LRMDA: variants seen among roughly 807,000 people sequenced by gnomAD.
The protein encoded by LRMDA is leucine-rich melanocyte differentiation-associated protein.
LRMDA carries 18 observed loss-of-function variants against 29.8 expected under a neutral mutation model. The ratio of observed to expected loss-of-function variants is 0.60; its 90% confidence interval spans 0.42 to 0.90. LRMDA has a LOEUF of 0.90. Among genes scored for constraint, LRMDA ranks in the 40% least tolerant of loss-of-function variants. The pLI, the probability that LRMDA is intolerant of heterozygous loss-of-function variation, is 0.00. For synonymous variants in LRMDA, 125 were observed against 109.4 expected, an observed-to-expected ratio of 1.14 and a Z score of -0.89; for missense variants, 273 against 273.9, an observed-to-expected ratio of 1.00 and a Z score of 0.02.
intron 6 of LRMDA, among the ~76,000 whole-genome samples, chr10:76,367,232 T>C (rs1841401307): frequency 6.6e-6 from 1 of 152,116 alleles, no homozygotes; most frequent in African/African-American, 2.4e-5. Flanking sequence ...GCTATGTGCT[T>C]TCCTGGTTTT....
chr10:76,001,761 C>T (rs1186758695), intron 2 of LRMDA, among the ~76,000 whole-genome samples: 2 of 151,980 alleles, frequency 1.3e-5, no homozygotes, highest in Non-Finnish European at 2.9e-5. Context: ...TAGAGGAGAG[C>T]CCTTGACGCT....
At chr10:75,965,754 C>G (rs768049209) in intron 2 of LRMDA, among the ~76,000 whole-genome samples, 14 of 152,190 alleles carry the variant, frequency 9.2e-5, no homozygotes, top group Non-Finnish European at 1.3e-4. Flanking sequence ...ACTTCAAACT[C>G]TAGTCTTGGG....
intron 5 of LRMDA, among the ~76,000 whole-genome samples, chr10:76,284,661 A>G (rs542861525): frequency 1.3e-5 from 2 of 152,080 alleles, no homozygotes; most frequent in Non-Finnish European, 2.9e-5. Flanking sequence ...ATAGGGACTG[A>G]TATGGTTTGA....
intron 5 of LRMDA, among the ~76,000 whole-genome samples, chr10:76,144,074 A>G (rs1348850990): frequency 1.3e-5 from 2 of 152,176 alleles, no homozygotes; most frequent in African/African-American, 4.8e-5. Context: ...TACCAGTACC[A>G]TGCTGTTTTG....
At chr10:75,600,953 C>T (rs1414298981) in intron 2 of LRMDA, among the ~76,000 whole-genome samples, 1 of 152,194 alleles carries the variant, frequency 6.6e-6, no homozygotes, top group Admixed American at 6.5e-5. Context: ...TGTATTTCTC[C>T]TCTTCCAGAG....
At chr10:75,453,784 C>T (rs189914506) in intron 2 of LRMDA, among the ~76,000 whole-genome samples, 10 of 152,298 alleles carry the variant, frequency 6.6e-5, no homozygotes, top group Non-Finnish European at 1.0e-4. Context: ...ATTGCCCACT[C>T]GCTCGCATGT....
intron 2 of LRMDA, among the ~76,000 whole-genome samples, chr10:75,480,547 C>A (rs1412583657): frequency 6.6e-6 from 1 of 152,266 alleles, no homozygotes; most frequent in Non-Finnish European, 1.5e-5. Context: ...GGGAACACAA[C>A]AGACAATGAA....
At chr10:76,106,887 G>C (rs1849495004) in intron 5 of LRMDA, among the ~76,000 whole-genome samples, 1 of 152,188 alleles carries the variant, frequency 6.6e-6, no homozygotes, top group Admixed American at 6.5e-5. Flanking sequence ...GCAGAGTCCT[G>C]ATCATGTCCA....
At chr10:76,248,536 C>T (rs1030948158) in intron 5 of LRMDA, among the ~76,000 whole-genome samples, 2 of 152,146 alleles carry the variant, frequency 1.3e-5, no homozygotes, top group African/African-American at 4.8e-5. Flanking sequence ...TTTTAAAATG[C>T]CTTCCTAGCC....
At chr10:75,515,098 CATATT>C (rs1845274842) in intron 2 of LRMDA, among the ~76,000 whole-genome samples, 1 of 152,054 alleles carries the variant, frequency 6.6e-6, no homozygotes, top group Non-Finnish European at 1.5e-5. Context: ...GAACCTTAAA[CATATT>C]AGGTTAAGTG....
intron 6 of LRMDA, among the ~76,000 whole-genome samples, chr10:76,538,550 A>ATATATG (rs1564570333): frequency 1.6e-3 from 238 of 144,394 alleles, no homozygotes; most frequent in African/African-American, 4.6e-3. Flanking sequence ...ATATGTATAT[A>ATATATG]TATATACACA....
chr10:76,326,700 A>G (rs1350095713), intron 6 of LRMDA, among the ~76,000 whole-genome samples: 3 of 152,198 alleles, frequency 2.0e-5, no homozygotes, highest in Non-Finnish European at 4.4e-5. Context: ...TGTACATGCC[A>G]TTTTCCCTTT....
At chr10:76,340,640 T>C (rs1254047759) in intron 6 of LRMDA, among the ~76,000 whole-genome samples, 2 of 151,544 alleles carry the variant, frequency 1.3e-5, no homozygotes, top group Non-Finnish European at 2.9e-5. Context: ...ATAAAGTGTA[T>C]CTACCAGAAA....
At chr10:76,057,397 G>A (rs1381818235) in intron 4 of LRMDA, among the ~76,000 whole-genome samples, 4 of 152,180 alleles carry the variant, frequency 2.6e-5, no homozygotes, top group African/African-American at 9.6e-5. Context: ...AAATCAACTG[G>A]TATGTTATTG....
At chr10:75,826,288 G>GT (rs142950883) in intron 2 of LRMDA, among the ~76,000 whole-genome samples, 6,917 of 152,252 alleles carry the variant, frequency 0.045, 439 homozygotes, top group African/African-American at 0.14. Context: ...TCAAATGCTA[G>GT]TTAAGTGCAG....
chr10:76,388,763 A>G (rs887793922), intron 6 of LRMDA, among the ~76,000 whole-genome samples: 3 of 152,246 alleles, frequency 2.0e-5, no homozygotes, highest in Non-Finnish European at 4.4e-5. Flanking sequence ...TATGTGCTAG[A>G]CATTATTCAT....
chr10:75,625,547 G>A (rs930318872), intron 2 of LRMDA, among the ~76,000 whole-genome samples: 1 of 152,136 alleles, frequency 6.6e-6, no homozygotes, highest in South Asian at 2.1e-4. Flanking sequence ...AAGTAATTTT[G>A]TATCTTCCTT....
intron 2 of LRMDA, among the ~76,000 whole-genome samples, chr10:76,010,390 G>A (rs1400513304): frequency 2.7e-5 from 4 of 148,444 alleles, no homozygotes; most frequent in African/African-American, 7.5e-5. Flanking sequence ...TCAACTCACT[G>A]CAACCTCCGC....
intron 6 of LRMDA, among the ~76,000 whole-genome samples, chr10:76,379,971 A>G (rs1232509024): frequency 6.6e-6 from 1 of 152,226 alleles, no homozygotes; most frequent in African/African-American, 2.4e-5. Flanking sequence ...ATTGATCCAA[A>G]GATCATTCAG....
Sources: gnomAD v4.1 joint callset for allele counts (sites outside exome capture counted in the v4.1 genomes callset) on GRCh38, gnomAD v4.1.1 for gene constraint, MANE v1.5 for transcripts, NCBI Gene and HGNC (gene_info 2026-07-23, HGNC 2026-07-21) for gene names.